COL5A2: variants seen among roughly 807,000 people sequenced by gnomAD.
COL5A2 encodes the protein collagen type V alpha 2 chain.
In COL5A2, 23 loss-of-function variants were observed where a neutral mutation model predicts 208.2. The ratio of observed to expected loss-of-function variants is 0.11; its 90% CI spans 0.08 to 0.16. The LOEUF (loss-of-function observed/expected upper bound fraction) is 0.16, where lower values mean the gene tolerates loss of function less well. Among genes scored for constraint, COL5A2 ranks in the 10% least tolerant of loss-of-function variants. The probability of loss-of-function intolerance (pLI) is 1.00; values close to 1 mark genes in which losing one functional copy is unlikely to be tolerated. For missense variants in COL5A2, 1,590 were observed against 1,956.4 expected (o/e 0.81, Z 3.53); for synonymous variants, 625 against 628.5 (o/e 0.99, Z 0.08).
chr2:189,322,607 C>G, the COL5A2 span, among the ~76,000 whole-genome samples: 1 of 152,160 alleles, frequency 6.6e-6, no homozygotes, highest in South Asian at 2.1e-4. Flanking sequence ...GACACATACA[C>G]CCTCCCAAGA....
chr2:189,157,117 G>GATATATATATATATATAGAT (rs1688262343), intron 1 of COL5A2, among the ~76,000 whole-genome samples: 1 of 124,526 alleles, frequency 8.0e-6, no homozygotes, highest in Non-Finnish European at 1.6e-5. Context: ...TAGATATATC[G>GATATATATATATATATAGAT]ATATATCTAT....
At chr2:189,413,782 C>CTTT in the COL5A2 span, among the ~76,000 whole-genome samples, 1 of 90,224 alleles carries the variant, frequency 1.1e-5, no homozygotes, top group Non-Finnish European at 2.4e-5. Context: ...TCCTTGGCGT[C>CTTT]ATTTTTTTTT....
chr2:189,386,883 TA>T, the COL5A2 span, among the ~76,000 whole-genome samples: 1 of 152,172 alleles, frequency 6.6e-6, no homozygotes, highest in South Asian at 2.1e-4. Flanking sequence ...GGTGGGAATG[TA>T]AATTAGTTCA....
chr2:189,221,123 G>T (rs898493310), intron 1 of COL5A2, among the ~76,000 whole-genome samples: 4 of 152,114 alleles, frequency 2.6e-5, no homozygotes, highest in African/African-American at 9.7e-5. Context: ...ACATTTTCAC[G>T]ATTCACAGAG....
chr2:189,238,046 G>C, the COL5A2 span, among the ~76,000 whole-genome samples: 6 of 151,734 alleles, frequency 4.0e-5, 1 homozygote, highest in South Asian at 1.2e-3. Flanking sequence ...ATATATTTGC[G>C]AGCTATTATA....
intron 1 of COL5A2, among the ~76,000 whole-genome samples, chr2:189,154,609 T>A (rs1046612933): frequency 6.6e-6 from 1 of 152,212 alleles, no homozygotes; most frequent in African/African-American, 2.4e-5. Flanking sequence ...ATCAATGGCC[T>A]CTGTGGCCGT....
intron 1 of COL5A2, among the ~76,000 whole-genome samples, chr2:189,128,173 A>T (rs1315362211): frequency 6.6e-6 from 1 of 152,090 alleles, no homozygotes; most frequent in Non-Finnish European, 1.5e-5. Context: ...GAAGCTAATT[A>T]TAAGGCACCT....
At chr2:189,043,328 T>C (rs1288945922) in intron 47 of COL5A2, 70 bp from the exon 48 acceptor site, 4 of 1,098,436 alleles carry the variant, frequency 3.6e-6, no homozygotes, top group Non-Finnish European at 4.1e-6. Context: ...TTACTAAAAT[T>C]TTACTTTTTA....
chr2:189,284,690 A>G, the COL5A2 span, among the ~76,000 whole-genome samples: 1 of 152,198 alleles, frequency 6.6e-6, no homozygotes, highest in Non-Finnish European at 1.5e-5. Context: ...ATTGACTAAT[A>G]TAGAGTATAT....
At chr2:189,329,230 A>T in the COL5A2 span, among the ~76,000 whole-genome samples, 1 of 152,230 alleles carries the variant, frequency 6.6e-6, no homozygotes, top group Admixed American at 6.5e-5. Context: ...GCAGAGAAAG[A>T]CAAATACTGC....
intron 1 of COL5A2, among the ~76,000 whole-genome samples, chr2:189,204,788 T>C (rs1689123197): frequency 6.6e-6 from 1 of 152,204 alleles, no homozygotes; most frequent in Non-Finnish European, 1.5e-5. Flanking sequence ...TATCTTGTCT[T>C]GGATTAATTA....
the COL5A2 span, among the ~76,000 whole-genome samples, chr2:189,338,684 A>G: frequency 8.8e-5 from 13 of 148,222 alleles, no homozygotes; most frequent in African/African-American, 3.2e-4. Context: ...TATATTTTAA[A>G]ATAAAAATTA....
chr2:189,364,040 T>C, the COL5A2 span, among the ~76,000 whole-genome samples: 2 of 152,202 alleles, frequency 1.3e-5, no homozygotes, highest in African/African-American at 4.8e-5. Flanking sequence ...AGTCATCATA[T>C]CTAAAAAACG....
chr2:189,235,178 G>A, the COL5A2 span, among the ~76,000 whole-genome samples: 1 of 151,618 alleles, frequency 6.6e-6, no homozygotes, highest in Non-Finnish European at 1.5e-5. Flanking sequence ...CTATACTGGA[G>A]AGGGCAGGGC....
At position 189,064,660 on chromosome 2, in the gene COL5A2, A is replaced by C; in HGVS notation, c.1618-5T>G. 3 of 1,600,630 alleles carry C rather than the reference A, an allele frequency of 1.9e-6. No homozygotes were observed. The highest frequency in any genetic ancestry group is 4.5e-5 in the East Asian group (2 of 44,806). Reference sequence around the variant, plus strand: ...ACCCCGTTCTCCTTGAGCACCCTGTACCGAGGCAAAGCAGATGCATGAAGA... The same window carrying C: ...ACCCCGTTCTCCTTGAGCACCCTGTCCCGAGGCAAAGCAGATGCATGAAGA... On this transcript the variant is annotated splice_polypyrimidine_tract_variant and splice_region_variant and intron_variant, in intron 24 of 53. Transcript: ENST00000374866.
intron 3 of COL5A2, among the ~76,000 whole-genome samples, chr2:189,103,305 T>C (rs1233219711): frequency 6.6e-6 from 1 of 152,106 alleles, no homozygotes; most frequent in Non-Finnish European, 1.5e-5. Flanking sequence ...GAGACAAATT[T>C]ATGATATTGC....
At chr2:189,439,818 AACTAAAGTCAC>A in the COL5A2 span, among the ~76,000 whole-genome samples, 13 of 152,240 alleles carry the variant, frequency 8.5e-5, no homozygotes, top group Non-Finnish European at 1.6e-4. Context: ...AGTAACATAC[AACTAAAGTCAC>A]ACTAATTTGA....
chr2:189,365,572 G>C, the COL5A2 span, among the ~76,000 whole-genome samples: 1 of 152,184 alleles, frequency 6.6e-6, no homozygotes, highest in African/African-American at 2.4e-5. Context: ...CTGTAAAATG[G>C]AGACAATAAC....
chr2:189,249,073 A>G, the COL5A2 span, among the ~76,000 whole-genome samples: 1 of 152,172 alleles, frequency 6.6e-6, no homozygotes, highest in Non-Finnish European at 1.5e-5. Context: ...GCAGACCAAA[A>G]AAGATTTTAT....
Sources: gnomAD v4.1 joint callset for allele counts (sites outside exome capture counted in the v4.1 genomes callset) on GRCh38, gnomAD v4.1.1 for gene constraint, MANE v1.5 for transcripts, NCBI Gene and HGNC (gene_info 2026-07-23, HGNC 2026-07-21) for gene names.